Variants in ROBO2 observed in about 807,000 individuals in gnomAD.
The protein encoded by ROBO2 is roundabout homolog 2.
A neutral mutation model predicts 160.8 loss-of-function variants in ROBO2; 53 were observed. The observed-to-expected ratio is 0.33, with a 90% CI of 0.26 to 0.41. ROBO2 has a LOEUF of 0.41. Among genes scored for constraint, ROBO2 ranks in the 10% least tolerant of loss-of-function variants. ROBO2 has a pLI of 1.00. For synonymous variants in ROBO2, 664 were observed against 611.7 expected (o/e 1.09, Z -1.26); for missense variants, 1,577 against 1,722.4 (o/e 0.92, Z 1.49).
intron 2 of ROBO2, among the ~76,000 whole-genome samples, chr3:76,386,962 C>G (rs769748840): frequency 1.3e-5 from 2 of 152,136 alleles, no homozygotes; most frequent in Admixed American, 1.3e-4. Flanking sequence ...ACTCAGTCTA[C>G]TCCTGCTGCT....
At chr3:76,190,080 A>G (rs986646855) in intron 2 of ROBO2, among the ~76,000 whole-genome samples, 2 of 152,140 alleles carry the variant, frequency 1.3e-5, no homozygotes, top group African/African-American at 2.4e-5. Context: ...AGCAGTAATA[A>G]GCCATGCCTC....
chr3:77,559,759 G>A (rs2093259093), intron 9 of ROBO2, among the ~76,000 whole-genome samples: 1 of 151,820 alleles, frequency 6.6e-6, no homozygotes, highest in Non-Finnish European at 1.5e-5. Context: ...GACTATTTTT[G>A]CTACATGCAC....
chr3:77,302,203 A>G (rs2062721299), intron 2 of ROBO2, among the ~76,000 whole-genome samples: 1 of 151,968 alleles, frequency 6.6e-6, no homozygotes, highest in South Asian at 2.1e-4. Flanking sequence ...TGGCCTCCCA[A>G]AGTGCTGGGA....
chr3:76,687,239 G>A (rs2092704379), intron 2 of ROBO2, among the ~76,000 whole-genome samples: 1 of 152,008 alleles, frequency 6.6e-6, no homozygotes, highest in South Asian at 2.1e-4. Flanking sequence ...GCTACCTGGG[G>A]TCAAATTCCT....
At chr3:75,941,519 G>A (rs1485330914) in intron 2 of ROBO2, among the ~76,000 whole-genome samples, 2 of 152,040 alleles carry the variant, frequency 1.3e-5, no homozygotes, top group Admixed American at 6.6e-5. Context: ...TGGTTTCCAC[G>A]ATGAATTTAC....
chr3:76,200,874 T>C (rs1317456775), intron 2 of ROBO2, among the ~76,000 whole-genome samples: 1 of 152,180 alleles, frequency 6.6e-6, no homozygotes, highest in East Asian at 1.9e-4. Flanking sequence ...ACGTTAGATT[T>C]GGACCCCTTA....
At chr3:77,215,069 C>A (rs1024040561) in intron 2 of ROBO2, among the ~76,000 whole-genome samples, 10 of 152,122 alleles carry the variant, frequency 6.6e-5, no homozygotes, top group African/African-American at 2.4e-4. Flanking sequence ...TGGAGTTGCT[C>A]TTCTCAAGGA....
intron 2 of ROBO2, among the ~76,000 whole-genome samples, chr3:77,394,529 T>C (rs2075078320): frequency 6.6e-6 from 1 of 152,200 alleles, no homozygotes; most frequent in African/African-American, 2.4e-5. Context: ...TGTTTTGTGC[T>C]CAGATGAGTT....
intron 2 of ROBO2, among the ~76,000 whole-genome samples, chr3:77,339,277 T>C (rs566749477): frequency 3.3e-5 from 5 of 152,086 alleles, no homozygotes; most frequent in Non-Finnish European, 5.9e-5. Flanking sequence ...CAGGCAAATA[T>C]TGACTGTAAT....
intron 1 of ROBO2, among the ~76,000 whole-genome samples, chr3:77,076,474 A>G (rs2068018243): frequency 6.6e-6 from 1 of 151,584 alleles, no homozygotes; most frequent in Non-Finnish European, 1.5e-5. Flanking sequence ...ATATTCTAAA[A>G]TGTAAATAAA....
At chr3:76,973,300 A>G (rs548444983) in intron 2 of ROBO2, among the ~76,000 whole-genome samples, 71 of 152,290 alleles carry the variant, frequency 4.7e-4, no homozygotes, top group African/African-American at 1.6e-3. Context: ...TCAGTAGTCC[A>G]CTGAAAATTA....
chr3:76,174,850 T>C (rs1040442445), intron 2 of ROBO2, among the ~76,000 whole-genome samples: 2 of 152,266 alleles, frequency 1.3e-5, no homozygotes, highest in Non-Finnish European at 2.9e-5. Context: ...ATATGGGCTC[T>C]TTTTTGGTTC....
chr3:77,488,045 A>G (rs1160967611), intron 4 of ROBO2, among the ~76,000 whole-genome samples: 2 of 152,098 alleles, frequency 1.3e-5, no homozygotes, highest in Non-Finnish European at 2.9e-5. Flanking sequence ...TAAATTGTAT[A>G]TTTGCTTTCT....
intron 2 of ROBO2, among the ~76,000 whole-genome samples, chr3:77,178,356 GA>G (rs774901014): frequency 1.3e-5 from 2 of 151,986 alleles, no homozygotes; most frequent in Non-Finnish European, 2.9e-5. Context: ...CTGCCATTTA[GA>G]ACTTTTTGTT....
intron 2 of ROBO2, among the ~76,000 whole-genome samples, chr3:76,178,266 G>T (rs2073300627): frequency 6.6e-6 from 1 of 152,004 alleles, no homozygotes; most frequent in African/African-American, 2.4e-5. Flanking sequence ...TTTCAAGTCC[G>T]TATTTCTCAC....
At chr3:77,375,804 A>G (rs1219324756) in intron 2 of ROBO2, among the ~76,000 whole-genome samples, 1 of 149,528 alleles carries the variant, frequency 6.7e-6, no homozygotes, top group Non-Finnish European at 1.5e-5. Flanking sequence ...CCTTTCCCAC[A>G]ACTGTTCACT....
chr3:76,959,984 T>C (rs1479216797), intron 2 of ROBO2, among the ~76,000 whole-genome samples: 2 of 152,138 alleles, frequency 1.3e-5, no homozygotes, highest in East Asian at 1.9e-4. Context: ...TATATATTTT[T>C]CTTGAAAATA....
At chr3:77,635,154 C>A in intron 24 of ROBO2, 111 bp downstream of exon 25, 1 of 1,212,722 alleles carries the variant, frequency 8.2e-7, no homozygotes, top group Non-Finnish European at 1.2e-6. Context: ...CATTACATAA[C>A]AAGACAAAAA....
At chr3:76,720,152 G>A (rs1306188586) in intron 2 of ROBO2, among the ~76,000 whole-genome samples, 5 of 152,092 alleles carry the variant, frequency 3.3e-5, no homozygotes, top group African/African-American at 1.2e-4. Context: ...AGACATCAAA[G>A]CACTCCCTCA....
Sources: allele counts gnomAD v4.1 joint callset (sites outside exome capture counted in the v4.1 genomes callset), GRCh38; gene constraint gnomAD v4.1.1; transcripts MANE v1.5; gene names NCBI Gene and HGNC (gene_info 2026-07-23, HGNC 2026-07-21).